RNF180: variants seen among roughly 807,000 people sequenced by gnomAD.
RNF180 encodes the protein E3 ubiquitin-protein ligase RNF180.
In RNF180, 38 loss-of-function variants were observed where a neutral mutation model predicts 59.2. That is an observed-to-expected ratio of 0.64 (90% CI 0.50 to 0.84). The LOEUF (loss-of-function observed/expected upper bound fraction) is 0.84. RNF180 is among the 40% of genes least tolerant of loss of function. The probability of loss-of-function intolerance (pLI) is 0.00; values close to 1 mark genes in which losing one functional copy is unlikely to be tolerated. For synonymous variants in RNF180, 262 were observed against 240.3 expected (o/e 1.09, Z -0.84); for missense variants, 705 against 700.9 (o/e 1.01, Z -0.07).
intron 2 of RNF180, among the ~76,000 whole-genome samples, chr5:64,209,422 G>A (rs112884057): frequency 1.7e-3 from 261 of 152,046 alleles, no homozygotes; most frequent in African/African-American, 6.1e-3. Flanking sequence ...AAAATAAGAA[G>A]TAGGACAGTG....
In RNF180 at chr5:64,182,634, T is replaced by A. The variant is rs563743217; in HGVS notation, c.-1+16681T>A. On this transcript the variant is annotated intron_variant, in intron 1 of 7. Coordinates refer to ENST00000389100, the MANE Select transcript of RNF180 (RefSeq NM_001113561.2). ...TTCAGGGAGATTCATGCTGAAGGAC[T>A]ATATAGAACAGCTGTCTCCAGAGGC... is the stretch of plus-strand genomic sequence containing the variant. Among the ~76,000 whole-genome samples, 59 of 152,330 alleles carry A rather than the reference T, an allele frequency of 3.9e-4. 1 individual carries two copies. Among genetic ancestry groups the A allele is most frequent in the African/African-American group, 1.3e-3 (56 of 41,572 alleles).
chr5:64,182,935 A>G (rs1169429240), intron 1 of RNF180, among the ~76,000 whole-genome samples: 1 of 152,222 alleles, frequency 6.6e-6, no homozygotes, highest in Non-Finnish European at 1.5e-5. Flanking sequence ...AAGACTGAAT[A>G]TAGATCTTGA....
intron 5 of RNF180, among the ~76,000 whole-genome samples, chr5:64,277,176 C>CT (rs953145560): frequency 2.7e-5 from 3 of 111,764 alleles, no homozygotes; most frequent in Non-Finnish European, 5.4e-5. Flanking sequence ...GATGGGTGGT[C>CT]TTAAAAAAAA....
rs570051743 is a variant in RNF180, at chr5:64,253,661, A to T, written c.1227+36265A>T. Among the ~76,000 whole-genome samples the T allele has an allele frequency of 2.0e-5, 3 of 152,242 alleles. No homozygotes were observed. The South Asian group carries it at 6.2e-4, about 32-fold the overall frequency. On this transcript the variant is annotated intron_variant, in intron 5 of 7. Transcript: ENST00000389100. ...CTCAGGAGTTTTATGCACAGGCAAA[A>T]CTGAAATCAGTAAGATGTTGACATA...
rs772795152 is a variant in RNF180 at position 64,212,208 on chromosome 5, A to G, written c.231+48A>G. On this transcript the variant is annotated intron_variant, in intron 3 of 7. Transcript: ENST00000389100. ...AAATTAAGAATATACAACCTTCAGA[A>G]TGTTTTTGTCCTCCTTTTAGAGCTA... 22 of 1,119,066 alleles carry G rather than the reference A, an allele frequency of 2.0e-5. 1 individual carries two copies. The highest frequency in any genetic ancestry group is 3.0e-5 in the Non-Finnish European group (22 of 733,612). 69.3% of individuals were successfully genotyped at this position (1,119,066 alleles called of 1,614,324 possible). A position where few individuals can be genotyped will look rare whatever the true frequency, so the allele number is the denominator to read the frequency against.
chr5:64,279,850 T>C (rs1741918142), intron 5 of RNF180, among the ~76,000 whole-genome samples: 1 of 152,130 alleles, frequency 6.6e-6, no homozygotes, highest in Admixed American at 6.6e-5. Flanking sequence ...CCCAGCACTT[T>C]GGAAAGCCAA....
intron 7 of RNF180, among the ~76,000 whole-genome samples, chr5:64,339,449 T>A (rs1458021846): frequency 1.3e-5 from 2 of 152,186 alleles, no homozygotes; most frequent in Non-Finnish European, 2.9e-5. Flanking sequence ...GGTTGGATCA[T>A]CTTGATTAAA....
chr5:64,228,916 T>C (rs1031872990), intron 5 of RNF180, among the ~76,000 whole-genome samples: 4 of 71,080 alleles, frequency 5.6e-5, no homozygotes, highest in Non-Finnish European at 1.1e-4. Context: ...CTATTACTGC[T>C]TTTTTTTTTT....
chr5:64,324,999 A>G (rs1037807489), intron 5 of RNF180, among the ~76,000 whole-genome samples, 187 bp from the exon 6 acceptor site: 5 of 152,166 alleles, frequency 3.3e-5, no homozygotes, highest in African/African-American at 1.2e-4. Flanking sequence ...AAAGAAAAAT[A>G]GGCTTCTGGG....
intron 2 of RNF180, among the ~76,000 whole-genome samples, chr5:64,201,307 G>A (rs182554520): frequency 2.6e-4 from 40 of 152,238 alleles, no homozygotes; most frequent in African/African-American, 8.9e-4. Context: ...GTAAGAATTG[G>A]AAACTTGTTA....
intron 1 of RNF180, among the ~76,000 whole-genome samples, chr5:64,179,949 G>A (rs1008565815): frequency 4.6e-5 from 7 of 152,112 alleles, no homozygotes; most frequent in Admixed American, 2.6e-4. Context: ...GTGTGAACGG[G>A]AACCTTGTTT....
intron 5 of RNF180, among the ~76,000 whole-genome samples, chr5:64,266,149 A>C (rs576707760): frequency 6.6e-6 from 1 of 152,346 alleles, no homozygotes; most frequent in East Asian, 1.9e-4. Context: ...CCAGATATAC[A>C]ATCATGTTAT....
chr5:64,344,743 T>G (rs1366564852), intron 7 of RNF180, among the ~76,000 whole-genome samples: 1 of 152,016 alleles, frequency 6.6e-6, no homozygotes, highest in African/African-American at 2.4e-5. Flanking sequence ...AAGGCCTCTT[T>G]TAGCCAATTC....
chr5:64,190,713 G>T (rs539144004), intron 1 of RNF180, among the ~76,000 whole-genome samples: 50 of 152,300 alleles, frequency 3.3e-4, no homozygotes, highest in African/African-American at 1.1e-3. Flanking sequence ...TAGGACTCCT[G>T]TTCCTAAGAG....
At chr5:64,296,141 G>A (rs1243535554) in intron 5 of RNF180, among the ~76,000 whole-genome samples, 1 of 152,142 alleles carries the variant, frequency 6.6e-6, no homozygotes, top group African/African-American at 2.4e-5. Context: ...AAAATGGACA[G>A]TAGACTTCCT....
At chr5:64,297,370 G>A (rs903547264) in intron 5 of RNF180, among the ~76,000 whole-genome samples, 32 of 151,908 alleles carry the variant, frequency 2.1e-4, no homozygotes, top group Non-Finnish European at 4.4e-5. Context: ...TCTATAAACC[G>A]ATTATTTTAT....
intron 7 of RNF180, among the ~76,000 whole-genome samples, chr5:64,365,798 GC>G (rs1318570584): frequency 2.6e-5 from 4 of 151,412 alleles, no homozygotes; most frequent in Non-Finnish European, 4.4e-5. Context: ...TGCAACCCCT[GC>G]TTTTTTATGC....
chr5:64,254,830 A>G (rs1743832335), intron 5 of RNF180, among the ~76,000 whole-genome samples: 2 of 152,158 alleles, frequency 1.3e-5, no homozygotes, highest in South Asian at 4.1e-4. Context: ...ACTAAAAGGT[A>G]ACTTTCTGGA....
At chr5:64,214,786 T>C (rs1303464566) in intron 4 of RNF180, among the ~76,000 whole-genome samples, 1 of 152,124 alleles carries the variant, frequency 6.6e-6, no homozygotes, top group African/African-American at 2.4e-5. Context: ...TAATCTCTAA[T>C]TAACACTGGA....
Sources: allele counts gnomAD v4.1 joint callset (sites outside exome capture counted in the v4.1 genomes callset), GRCh38; gene constraint gnomAD v4.1.1; transcripts MANE v1.5; gene names NCBI Gene and HGNC (gene_info 2026-07-23, HGNC 2026-07-21).